Variants in TMEM131 observed in about 807,000 individuals in gnomAD.
TMEM131 encodes the protein 2610524E03Rik.
A neutral mutation model predicts 211.6 loss-of-function variants in TMEM131; 66 were observed. The observed-to-expected ratio is 0.31, with a 90% CI of 0.26 to 0.38. The LOEUF is 0.38. Ranked by LOEUF, TMEM131 falls within the 10% of genes least tolerant of loss-of-function variation. The pLI, the probability that TMEM131 is intolerant of heterozygous loss-of-function variation, is 1.00. For missense variants in TMEM131, 2,036 were observed against 2,299.3 expected (o/e 0.89, Z 2.34); for synonymous variants, 844 against 841.3 (o/e 1.00, Z -0.06).
At chr2:97,803,943 T>C (rs536374862) in intron 22 of TMEM131, among the ~76,000 whole-genome samples, 1 of 152,356 alleles carries the variant, frequency 6.6e-6, no homozygotes, top group East Asian at 1.9e-4. Flanking sequence ...AGCAAGTCCA[T>C]TAGAGGAAGT....
At chr2:97,765,979 T>C (rs1679143491) in intron 35 of TMEM131, 135 bp downstream of exon 35, 3 of 1,137,128 alleles carry the variant, frequency 2.6e-6, no homozygotes, top group Admixed American at 2.7e-5. Context: ...TTAGGCTAGT[T>C]AACAATGGGC....
chr2:97,817,530 C>G lies in TMEM131; in HGVS notation c.1183+1083G>C, dbSNP rs147900228. Reference sequence around the variant, plus strand: ...TGTGGTCTCTCAGCAGCATAGAGAACACTTTACCACAAATGTAGAAATTAC... The same window carrying G: ...TGTGGTCTCTCAGCAGCATAGAGAAGACTTTACCACAAATGTAGAAATTAC... On this transcript the variant is annotated intron_variant, in intron 12 of 40. Transcript: ENST00000186436. Among the ~76,000 whole-genome samples, 213 of 152,328 alleles carry G rather than the reference C, an allele frequency of 1.4e-3. 1 individual carries two copies. The highest frequency in any genetic ancestry group is 4.9e-3 in the African/African-American group (202 of 41,576).
At chr2:97,875,416 T>C (rs986529571) in intron 4 of TMEM131, among the ~76,000 whole-genome samples, 2 of 152,180 alleles carry the variant, frequency 1.3e-5, no homozygotes, top group Non-Finnish European at 2.9e-5. Context: ...AGAATATATA[T>C]TCTTCTCAGC....
At chr2:97,811,727 C>T (rs1681556596) in intron 17 of TMEM131, among the ~76,000 whole-genome samples, 1 of 152,238 alleles carries the variant, frequency 6.6e-6, no homozygotes, top group Non-Finnish European at 1.5e-5. Flanking sequence ...TCAACACTCT[C>T]TGTGTATAAG....
chr2:97,804,757 T>C (rs534280220), intron 22 of TMEM131, among the ~76,000 whole-genome samples: 90 of 152,124 alleles, frequency 5.9e-4, no homozygotes, highest in Non-Finnish European at 9.9e-4. Flanking sequence ...ACATCAGTGG[T>C]AGGTAAAAAA....
intron 1 of TMEM131, among the ~76,000 whole-genome samples, chr2:97,934,703 A>G (rs1071885): frequency 0.75 from 114,259 of 152,100 alleles, 44,622 homozygotes; most frequent in African/African-American, 0.87. Context: ...ACCTAGAAAC[A>G]GAACCATATA....
rs1184208506 is a variant in TMEM131, at chr2:97,818,463, CGGGG to C, written c.1183+146_1183+149del. Reference sequence around the variant, plus strand: ...AGTAAGAGTTCATGATGGTTTACAGCGGGGGGGGGCGGGGGGGGATCAACCTAAG... The same window carrying C: ...AGTAAGAGTTCATGATGGTTTACAGCGGGGGCGGGGGGGGATCAACCTAAG... On this transcript the variant is annotated intron_variant, in intron 12 of 40. Transcript: ENST00000186436. 18 of 283,890 alleles carry C rather than the reference CGGGG, an allele frequency of 6.3e-5. 5 individuals are homozygous for C. Among genetic ancestry groups the C allele is most frequent in the Admixed American group, 2.9e-4 (4 of 13,834 alleles). The allele number at this position is 283,890 out of a possible 1,614,324, so 17.6% of individuals were successfully genotyped here.
Position 97,976,511 on chromosome 2 carries a change from C to G in TMEM131, c.187+18965G>C, listed in dbSNP as rs1679542676. On this transcript the variant is annotated intron_variant, in intron 1 of 40. Transcript: ENST00000186436. ...TTATACTGAAAACTACATTAAAGAC[C>G]TAAATAAATGGTGAAAATATCCCTG... Among the ~76,000 whole-genome samples the G allele has an allele frequency of 2.0e-5, 3 of 151,982 alleles. No homozygotes were observed. The South Asian group carries it at 6.2e-4, about 32-fold the overall frequency.
chr2:97,890,515 T>C (rs1411943933), intron 3 of TMEM131, among the ~76,000 whole-genome samples: 1 of 152,192 alleles, frequency 6.6e-6, no homozygotes, highest in Non-Finnish European at 1.5e-5. Flanking sequence ...AAGAGGTAGA[T>C]TTTCAAGAGC....
Position 97,805,096 on chromosome 2 carries a change from T to G in TMEM131, c.2394A>C (p.Ser798=), listed in dbSNP as rs752203710. 2 of 1,609,770 alleles carry G rather than the reference T, an allele frequency of 1.2e-6. No individual in the cohort carries two copies. Among genetic ancestry groups the G allele is most frequent in the South Asian group, 2.2e-5 (2 of 90,350 alleles). Reference sequence around the variant, plus strand: ...AAACATAAACCACTCACCTATGACCTGAATTTTCCTTTATTCCTGTCCATC... The same window carrying G: ...AAACATAAACCACTCACCTATGACCGGAATTTTCCTTTATTCCTGTCCATC... ...FKGWTGIKEN[S]GHRLSAIFEV... is the part of the protein sequence containing the mutation. The change falls in exon 22 of 41, where the codon TCA becomes TCC. Residue 798 remains serine, a synonymous_variant. Coordinates refer to ENST00000186436, the MANE Select transcript of TMEM131 (RefSeq NM_015348.2).
intron 3 of TMEM131, among the ~76,000 whole-genome samples, chr2:97,896,156 T>C (rs1675603002): frequency 6.6e-6 from 1 of 152,204 alleles, no homozygotes; most frequent in African/African-American, 2.4e-5. Context: ...TTGTTCAACT[T>C]CCCTGTAGTT....
At chr2:97,776,116 A>T in intron 31 of TMEM131, 98 bp from the exon 32 acceptor site, 1 of 1,268,344 alleles carries the variant, frequency 7.9e-7, no homozygotes, top group South Asian at 1.5e-5. Flanking sequence ...TGCAGTGGCG[A>T]GATCTTGGCT....
intron 1 of TMEM131, among the ~76,000 whole-genome samples, chr2:97,962,352 A>T (rs1015309858): frequency 6.6e-6 from 1 of 152,092 alleles, no homozygotes; most frequent in Non-Finnish European, 1.5e-5. Flanking sequence ...AAATACAAAA[A>T]AATTAGCCGG....
In TMEM131 at chr2:97,759,703, T is replaced by G. The variant is rs774390096; in HGVS notation, c.5155A>C (p.Thr1719Pro). The change falls in exon 39 of 41, where the codon ACT becomes CCT. Residue 1719 changes from threonine (T) to proline (P), a missense_variant. Thr to Pro is a conservative substitution (Grantham distance 38, BLOSUM62 -1). Coordinates refer to ENST00000186436, the MANE Select transcript of TMEM131 (RefSeq NM_015348.2). ...PVSNPSSPDF[T>P]PLNSFSAFGN... Reference sequence around the variant, plus strand: ...AAGGCGGAGAACGAATTGAGGGGAGTGAAGTCAGGGCTGCTTGGGTTGCTG... The same window carrying G: ...AAGGCGGAGAACGAATTGAGGGGAGGGAAGTCAGGGCTGCTTGGGTTGCTG... The G allele has an allele frequency of 6.2e-7, 1 of 1,613,262 alleles. No individual in the cohort carries two copies. Among genetic ancestry groups the G allele is most frequent in the South Asian group, 1.1e-5 (1 of 90,920 alleles).
Position 97,795,034 on chromosome 2 carries a change from T to C in TMEM131, c.3282A>G (p.Ile1094Met). 3 of 1,613,826 alleles carry C rather than the reference T, an allele frequency of 1.9e-6. No individual in the cohort carries two copies. Among genetic ancestry groups the C allele is most frequent in the Non-Finnish European group, 2.5e-6 (3 of 1,179,734 alleles). ...ITTSGSEFVF[I>M]LNASLPYHML... ...TATGGTAAGGAAGGGATGCATTCAA[T>C]ATAAATACAAACTCAGAGCCACTGG... Residue 1094 changes from isoleucine (I) to methionine (M), a missense_variant, in exon 29 of 41, where the codon ATA (isoleucine) becomes ATG (methionine). Physicochemically the swap from Ile to Met is conservative, Grantham distance 10. Transcript: ENST00000186436.
At chr2:97,811,079 G>C in intron 18 of TMEM131, 49 bp downstream of exon 18, 1 of 1,276,312 alleles carries the variant, frequency 7.8e-7, no homozygotes, top group Non-Finnish European at 1.1e-6. Context: ...AGAAAGGACT[G>C]ACTTATTCAG....
rs201851542 is a variant in TMEM131, at chr2:97,762,071, C to T, written c.4853G>A (p.Gly1618Asp). The change falls in exon 36 of 41, where the codon GGC becomes GAC. Residue 1618 changes from glycine (G) to aspartate (D), a missense_variant. Physicochemically the swap from Gly to Asp is moderately conservative, Grantham distance 94. Transcript: ENST00000186436. ...PAAPCPFVAR[G>D]SYSSIVNSSS... ...GCTGTTGACGATGCTGCTGTAGCTG[C>T]CCCGGGCCACAAAGGGGCAGGGGGC... 427 of 1,601,174 alleles carry T rather than the reference C, an allele frequency of 2.7e-4. No individual in the cohort carries two copies. Among genetic ancestry groups the T allele is most frequent in the Admixed American group, 1.8e-3 (103 of 56,830 alleles).
intron 3 of TMEM131, among the ~76,000 whole-genome samples, chr2:97,898,913 G>C (rs974446685): frequency 9.2e-5 from 14 of 151,664 alleles, no homozygotes; most frequent in African/African-American, 3.4e-4. Flanking sequence ...TATATAATCT[G>C]CTCTTGGTGG....
intron 4 of TMEM131, among the ~76,000 whole-genome samples, chr2:97,875,283 C>T (rs1674647614): frequency 6.6e-6 from 1 of 152,210 alleles, no homozygotes; most frequent in South Asian, 2.1e-4. Context: ...ATTTTAACAC[C>T]CTATTGTCCG....
Sources: gnomAD v4.1 joint callset for allele counts (sites outside exome capture counted in the v4.1 genomes callset) on GRCh38, gnomAD v4.1.1 for gene constraint, MANE v1.5 for transcripts, NCBI Gene and HGNC (gene_info 2026-07-23, HGNC 2026-07-21) for gene names.